The following ELMO1 variants were observed in gnomAD, a reference collection of about 807,000 sequenced individuals.
ELMO1 encodes the protein engulfment and cell motility 1, also known as engulfment and cell motility protein 1.
In ELMO1, 26 loss-of-function variants were observed where a neutral mutation model predicts 98.9. The ratio of observed to expected loss-of-function variants is 0.26; its 90% CI spans 0.19 to 0.36. ELMO1 has a LOEUF of 0.36. ELMO1 is among the 10% of genes least tolerant of loss of function. The pLI, the probability that ELMO1 is intolerant of heterozygous loss-of-function variation, is 1.00. For missense variants in ELMO1, 627 were observed against 935.2 expected (o/e 0.67, Z 4.30); for synonymous variants, 346 against 346.0 (o/e 1.00, Z 0.00).
intron 13 of ELMO1, among the ~76,000 whole-genome samples, chr7:37,153,040 T>C (rs1788470362): frequency 2.0e-5 from 3 of 152,198 alleles, no homozygotes. Flanking sequence ...CAGGAAAAGC[T>C]GGAACCAATT....
chr7:37,288,287 C>T (rs1416135665), intron 4 of ELMO1, among the ~76,000 whole-genome samples: 6 of 151,844 alleles, frequency 4.0e-5, no homozygotes, highest in African/African-American at 9.7e-5. Context: ...TGCAATGGCA[C>T]GATCTCGGCT....
intron 1 of ELMO1, among the ~76,000 whole-genome samples, chr7:37,414,356 G>C (rs1304579400): frequency 2.0e-5 from 3 of 152,066 alleles, no homozygotes. Context: ...TATCCGAGGG[G>C]GAAAACCCCT....
chr7:36,963,970 A>G lies in ELMO1; in HGVS notation c.1437+49329T>C, dbSNP rs964222052. Among the ~76,000 whole-genome samples, 6 of 152,264 alleles carry G rather than the reference A, an allele frequency of 3.9e-5. No individual in the cohort carries two copies. The East Asian group carries it at 1.2e-3, about 29-fold the overall frequency. On this transcript the variant is annotated intron_variant, in intron 16 of 21. Coordinates refer to ENST00000310758, the MANE Select transcript of ELMO1 (RefSeq NM_014800.11). ...TTGACAGAAAGCAATTAGATAACCT[A>G]CCTTTAGATCCCATGAAAACTAATA...
intron 16 of ELMO1, among the ~76,000 whole-genome samples, chr7:36,997,407 G>A (rs1792301494): frequency 6.6e-6 from 1 of 152,192 alleles, no homozygotes; most frequent in Non-Finnish European, 1.5e-5. Flanking sequence ...TGAGATAATG[G>A]TGCAGGAAAG....
chr7:37,046,465 A>G (rs1488788772), intron 15 of ELMO1, among the ~76,000 whole-genome samples: 1 of 152,214 alleles, frequency 6.6e-6, no homozygotes, highest in Non-Finnish European at 1.5e-5. Flanking sequence ...ACCCACTTGG[A>G]GCTACTTTTC....
intron 2 of ELMO1, among the ~76,000 whole-genome samples, chr7:37,325,575 T>TA (rs1297089285): frequency 1.3e-5 from 2 of 152,146 alleles, no homozygotes; most frequent in African/African-American, 4.8e-5. Flanking sequence ...CACAAAGACT[T>TA]AAAGTTTTTG....
In ELMO1 at chr7:36,878,064, C is replaced by T; in HGVS notation, c.1768G>A (p.Asp590Asn). The change falls in exon 19 of 22, where the codon GAC becomes AAC. Residue 590 changes from aspartate (D) to asparagine (N), a missense_variant. By Grantham distance (23) the Asp-to-Asn change is conservative (BLOSUM62 1). Transcript: ENST00000310758. Reference protein sequence around the residue: ...SPNHKVLHYGDLEESPQGEVP... With the variant: ...SPNHKVLHYGNLEESPQGEVP... ...TCTCCCTGAGGACTCTCTTCTAAGT[C>T]TCCGTAATGCAGGACTTTGTGATTT... is the stretch of plus-strand genomic sequence containing the variant. The T allele has an allele frequency of 6.2e-7, 1 of 1,614,102 alleles. No homozygotes were observed. Among genetic ancestry groups the T allele is most frequent in the East Asian group, 2.2e-5 (1 of 44,866 alleles).
intron 21 of ELMO1, among the ~76,000 whole-genome samples, chr7:36,859,686 G>A (rs1487484328): frequency 1.3e-5 from 2 of 152,104 alleles, no homozygotes; most frequent in Non-Finnish European, 2.9e-5. Flanking sequence ...CTTTTAAATG[G>A]GGATTCTTTT....
At chr7:37,202,058 T>C (rs895036135) in intron 13 of ELMO1, among the ~76,000 whole-genome samples, 2 of 152,220 alleles carry the variant, frequency 1.3e-5, no homozygotes, top group Non-Finnish European at 2.9e-5. Context: ...TGGCTAGGAC[T>C]GGCAGAGCTT....
intron 16 of ELMO1, among the ~76,000 whole-genome samples, chr7:36,991,105 C>T (rs965845857): frequency 6.6e-6 from 1 of 152,180 alleles, no homozygotes; most frequent in Admixed American, 6.5e-5. Context: ...GACATGGCTA[C>T]GCTGCAACCA....
At chr7:37,283,608 C>A (rs1031885475) in intron 4 of ELMO1, among the ~76,000 whole-genome samples, 1 of 152,186 alleles carries the variant, frequency 6.6e-6, no homozygotes, top group African/African-American at 2.4e-5. Context: ...CTGAGGGGGG[C>A]CATCTTTGCA....
chr7:37,120,567 G>A (rs910349280), intron 14 of ELMO1, among the ~76,000 whole-genome samples: 9 of 152,308 alleles, frequency 5.9e-5, no homozygotes, highest in African/African-American at 1.7e-4. Context: ...ACGCGGCAGC[G>A]AGTCTAGGGG....
chr7:37,163,242 G>A (rs1017614461), intron 13 of ELMO1, among the ~76,000 whole-genome samples: 2 of 151,996 alleles, frequency 1.3e-5, no homozygotes, highest in African/African-American at 2.4e-5. Flanking sequence ...GTTATTATGG[G>A]AAAATTTTTG....
intron 16 of ELMO1, among the ~76,000 whole-genome samples, chr7:36,960,018 G>T (rs956265885): frequency 6.6e-6 from 1 of 152,062 alleles, no homozygotes; most frequent in African/African-American, 2.4e-5. Flanking sequence ...CGGCCTACAG[G>T]AACTTTGTCT....
chr7:37,376,167 T>G, intron 1 of ELMO1: 1 of 263,552 alleles, frequency 3.8e-6, no homozygotes, highest in Non-Finnish European at 7.5e-6. Flanking sequence ...AGGTATAGAA[T>G]TATACCTTTG....
intron 4 of ELMO1, among the ~76,000 whole-genome samples, chr7:37,305,002 T>C (rs914769016): frequency 6.6e-6 from 1 of 152,138 alleles, no homozygotes; most frequent in African/African-American, 2.4e-5. Flanking sequence ...GGAGAAAATA[T>C]CGGCAAGGTT....
chr7:37,432,441 T>G (rs1804970614), intron 1 of ELMO1, among the ~76,000 whole-genome samples: 1 of 152,152 alleles, frequency 6.6e-6, no homozygotes. Context: ...TGAGAACACT[T>G]AAGTTGGGGT....
intron 15 of ELMO1, among the ~76,000 whole-genome samples, chr7:37,052,843 G>C (rs544867036): frequency 6.6e-6 from 1 of 152,206 alleles, no homozygotes; most frequent in African/African-American, 2.4e-5. Flanking sequence ...CAAAGGCCCA[G>C]CCTCCGTTCA....
chr7:37,443,887 T>C (rs1583776230), intron 1 of ELMO1, among the ~76,000 whole-genome samples: 1 of 152,200 alleles, frequency 6.6e-6, no homozygotes, highest in South Asian at 2.1e-4. Flanking sequence ...CCTTTTATTA[T>C]GGACAGTGCA....
Sources: gnomAD v4.1 joint callset for allele counts (sites outside exome capture counted in the v4.1 genomes callset) on GRCh38, gnomAD v4.1.1 for gene constraint, MANE v1.5 for transcripts, NCBI Gene and HGNC (gene_info 2026-07-23, HGNC 2026-07-21) for gene names.